Variants in IGFBP4 observed in about 807,000 individuals in gnomAD.
IGFBP4 encodes insulin-like growth factor-binding protein 4.
IGFBP4 carries 9 observed loss-of-function variants against 25.8 expected under a neutral mutation model. That is an observed-to-expected ratio of 0.35 (90% CI 0.21 to 0.61). The LOEUF (loss-of-function observed/expected upper bound fraction) is 0.61, where lower values mean the gene tolerates loss of function less well. Ranked by LOEUF, IGFBP4 falls within the 20% of genes least tolerant of loss-of-function variation. The pLI is 0.77. For missense variants in IGFBP4, 315 were observed against 365.3 expected (o/e 0.86, Z 1.12); for synonymous variants, 153 against 153.9 (o/e 0.99, Z 0.05).
At chr17:40,454,291 A>G (rs1041265613) in intron 3 of IGFBP4, among the ~76,000 whole-genome samples, 1 of 152,328 alleles carries the variant, frequency 6.6e-6, no homozygotes, top group Non-Finnish European at 1.5e-5. Flanking sequence ...GTCCAGAGTC[A>G]TAGAACAAGT....
At chr17:40,444,920 CACACACAGAGACAGAGAGAGAGAGAGAG>C (rs1567799561) in intron 1 of IGFBP4, among the ~76,000 whole-genome samples, 4 of 95,488 alleles carry the variant, frequency 4.2e-5, no homozygotes, top group East Asian at 3.3e-4. Context: ...CACACACACA[CACACACAGAGACAGAGAGAGAGAGAGAG>C]AGAGAGAGAG....
In IGFBP4 at chr17:40,447,872, C is replaced by T. The variant is rs545885248; in HGVS notation, c.349+3788C>T. Among the ~76,000 whole-genome samples, 10 of 151,900 alleles carry T rather than the reference C, an allele frequency of 6.6e-5. No individual in the cohort carries two copies. The South Asian group carries it at 1.2e-3, about 19-fold the overall frequency. On this transcript the variant is annotated intron_variant, in intron 1 of 3. Transcript: ENST00000269593. ...GCTGGGACTTAGGGAAGCGGTAGGA[C>T]GAGGGAGCAAATTTGGGGCAACATT... is the stretch of plus-strand genomic sequence containing the variant.
intron 1 of IGFBP4, among the ~76,000 whole-genome samples, chr17:40,446,337 C>T (rs1054757265): frequency 4.8e-5 from 7 of 144,600 alleles, no homozygotes; most frequent in East Asian, 4.0e-4. Context: ...AAAAGTAGGC[C>T]GGGTGCAGTG....
intron 3 of IGFBP4, 79 bp downstream of exon 3, chr17:40,454,141 A>G: frequency 6.6e-7 from 1 of 1,510,020 alleles, no homozygotes; most frequent in Admixed American, 2.2e-5. Context: ...ATGGTCCTGG[A>G]TGGAGATCTC....
chr17:40,451,808 GT>G (rs2035684786), intron 1 of IGFBP4, among the ~76,000 whole-genome samples: 1 of 152,006 alleles, frequency 6.6e-6, no homozygotes, highest in African/African-American at 2.4e-5. Flanking sequence ...CAAGCATGGG[GT>G]TTTTCTTTTT....
intron 1 of IGFBP4, among the ~76,000 whole-genome samples, chr17:40,448,931 ATTGT>A (rs1424895013): frequency 1.3e-5 from 2 of 152,006 alleles, no homozygotes; most frequent in African/African-American, 4.8e-5. Flanking sequence ...TGGACACGTG[ATTGT>A]TTGTGTACAC....
chr17:40,455,647 A>G (rs1277535114), intron 3 of IGFBP4, among the ~76,000 whole-genome samples: 1 of 151,902 alleles, frequency 6.6e-6, no homozygotes, highest in Non-Finnish European at 1.5e-5. Flanking sequence ...ACACCCGGCT[A>G]ATTTTTTGTA....
chr17:40,448,957 G>A (rs1012388778), intron 1 of IGFBP4, among the ~76,000 whole-genome samples: 11 of 152,196 alleles, frequency 7.2e-5, no homozygotes, highest in African/African-American at 1.9e-4. Flanking sequence ...TGCAGTTCTT[G>A]AGCCTGAGCC....
chr17:40,445,923 TCATCCTCTGGTTGGGTAGGAATACTC>T (rs1236508043), intron 1 of IGFBP4, among the ~76,000 whole-genome samples: 4 of 152,088 alleles, frequency 2.6e-5, no homozygotes, highest in African/African-American at 7.2e-5. Flanking sequence ...TAGGAATACC[TCATCCTCTGGTTGGGTAGGAATACTC>T]CATCCTGTAG....
intron 1 of IGFBP4, among the ~76,000 whole-genome samples, chr17:40,448,111 G>A (rs185560153): frequency 1.3e-5 from 2 of 152,364 alleles, no homozygotes; most frequent in African/African-American, 2.4e-5. Context: ...TAGGGGAAGA[G>A]GGAAAAGACC....
chr17:40,452,963 C>T (rs369154874), intron 1 of IGFBP4, 22 bp from the exon 2 acceptor site: 170 of 1,485,548 alleles, frequency 1.1e-4, no homozygotes, highest in East Asian at 2.4e-4. Flanking sequence ...GCTGACCTCT[C>T]CTTATCGCTA....
Position 40,453,448 on chromosome 17 carries a change from C to G in IGFBP4, c.507+306C>G, listed in dbSNP as rs2035697528. On this transcript the variant is annotated intron_variant, in intron 2 of 3. Coordinates refer to ENST00000269593, the MANE Select transcript of IGFBP4 (RefSeq NM_001552.3). The surrounding 1 kb of genome is among the most constrained non-coding windows in gnomAD (Gnocchi z 4.0). ...TACCAATTGGTAAAAAGCAGTTACCCAAAGCGCCCTGGGGTTTCTTGGCCT... is the reference window on the plus strand; with the variant it reads ...TACCAATTGGTAAAAAGCAGTTACCGAAAGCGCCCTGGGGTTTCTTGGCCT... Among the ~76,000 whole-genome samples the G allele has an allele frequency of 6.6e-6, 1 of 152,098 alleles. No homozygotes were observed. The highest frequency in any genetic ancestry group is 2.1e-4 in the South Asian group (1 of 4,826).
At position 40,456,723 on chromosome 17, in the gene IGFBP4, ACGTGTG is replaced by A. The variant is rs1247408673; in HGVS notation, c.*151_*156del. 18 of 794,096 alleles carry A rather than the reference ACGTGTG, an allele frequency of 2.3e-5. No homozygotes were observed. Among genetic ancestry groups the A allele is most frequent in the South Asian group, 1.2e-4 (7 of 56,698 alleles). The allele number at this position is 794,096 out of a possible 1,614,324, so 49.2% of individuals were successfully genotyped here. On this transcript the variant is annotated 3_prime_UTR_variant, in exon 4 of 4. Transcript: ENST00000269593. ...AAGTTTCCCTCAAATGCGCGTGTGC[ACGTGTG>A]CGTGTGCGTGCGTGTGTGTGTGTTT...
Position 40,452,893 on chromosome 17 carries a change from C to T in IGFBP4, c.350-92C>T, listed in dbSNP as rs971837522. ...TTCTCCAGCGCCAAGCCGAAGAATC[C>T]CCAGGAAGGAGAACGTGGGTGGGAG... On this transcript the variant is annotated intron_variant, in intron 1 of 3. Transcript: ENST00000269593. 2.0e-5 allele frequency: 22 copies of T among 1,105,040 alleles called. No homozygotes were observed. The African/African-American group carries it at 3.5e-4, about 18-fold the overall frequency. 68.5% of individuals were successfully genotyped at this position (1,105,040 alleles called of 1,614,324 possible). A position where few individuals can be genotyped will look rare whatever the true frequency, so the allele number is the denominator to read the frequency against.
intron 1 of IGFBP4, among the ~76,000 whole-genome samples, chr17:40,445,059 C>CA (rs776615050): frequency 5.3e-5 from 8 of 151,926 alleles, no homozygotes; most frequent in African/African-American, 9.7e-5. Flanking sequence ...CTTAGACTCT[C>CA]AGTCTCTTTT....
chr17:40,448,421 A>G (rs1434735548), intron 1 of IGFBP4, among the ~76,000 whole-genome samples: 1 of 152,236 alleles, frequency 6.6e-6, no homozygotes, highest in Non-Finnish European at 1.5e-5. Context: ...CTTAGCTCCA[A>G]GCTGGGCGCT....
Position 40,454,040 on chromosome 17 carries a change from A to T in IGFBP4, c.620A>T (p.Asn207Ile), listed in dbSNP as rs367887001. The change falls in exon 3 of 4, where the codon AAC becomes ATC. Residue 207 changes from asparagine to isoleucine, a missense_variant. By Grantham distance (149) the Asn-to-Ile change is moderately radical. Coordinates refer to ENST00000269593, the MANE Select transcript of IGFBP4 (RefSeq NM_001552.3). ...YIIPIPNCDR[N>I]GNFHPKQCHP... ...ATCCCCATCCCCAACTGCGACCGCAACGGCAACTTCCACCCCAAGCAGGTG... is the reference window on the plus strand; with the variant it reads ...ATCCCCATCCCCAACTGCGACCGCATCGGCAACTTCCACCCCAAGCAGGTG... 2.5e-6 allele frequency: 4 copies of T among 1,612,546 alleles called. No individual in the cohort carries two copies. The highest frequency in any genetic ancestry group is 2.5e-6 in the Non-Finnish European group (3 of 1,179,400).
Position 40,443,628 on chromosome 17 carries a change from C to T in IGFBP4, c.-108C>T, listed in dbSNP as rs533817088. On this transcript the variant is annotated 5_prime_UTR_variant, in exon 1 of 4. Coordinates refer to ENST00000269593, the MANE Select transcript of IGFBP4 (RefSeq NM_001552.3). ...CCCCGCGCCCTCCGGGTCGGGTCCTCCAGGAGCGCCAGGCGCTGCCGCCGT... is the reference window on the plus strand; with the variant it reads ...CCCCGCGCCCTCCGGGTCGGGTCCTTCAGGAGCGCCAGGCGCTGCCGCCGT... 2.3e-3 allele frequency: 1,006 copies of T among 435,268 alleles called. 7 individuals are homozygous for T. Among genetic ancestry groups the T allele is most frequent in the African/African-American group, 0.02 (955 of 46,842 alleles). The allele number at this position is 435,268 out of a possible 1,614,324, so 27.0% of individuals were successfully genotyped here.
chr17:40,447,315 A>G (rs2035654100), intron 1 of IGFBP4, among the ~76,000 whole-genome samples: 1 of 152,198 alleles, frequency 6.6e-6, no homozygotes, highest in African/African-American at 2.4e-5. Context: ...GGGCGTGTGC[A>G]TCAAAAGTCC....
Sources: allele counts gnomAD v4.1 joint callset (sites outside exome capture counted in the v4.1 genomes callset), GRCh38; gene constraint gnomAD v4.1.1; non-coding constraint Gnocchi (gnomAD v3.1); transcripts MANE v1.5; gene names NCBI Gene and HGNC (gene_info 2026-07-23, HGNC 2026-07-21).